Variants in ASPH observed in about 807,000 individuals in gnomAD.
ASPH encodes aspartyl/asparaginyl beta-hydroxylase.
In ASPH, 100 loss-of-function variants were observed where a neutral mutation model predicts 118.4. The ratio of observed to expected loss-of-function variants is 0.84; its 90% CI spans 0.72 to 1.00. The LOEUF (loss-of-function observed/expected upper bound fraction) is 1.00. Among genes scored for constraint, ASPH ranks in the 50% least tolerant of loss-of-function variants. The pLI, the probability that ASPH is intolerant of heterozygous loss-of-function variation, is 0.00. For missense variants in ASPH, 920 were observed against 919.5 expected, an observed-to-expected ratio of 1.00 and a Z score of -0.01; for synonymous variants, 315 against 325.6, an observed-to-expected ratio of 0.97 and a Z score of 0.35.
intron 14 of ASPH, among the ~76,000 whole-genome samples, chr8:61,596,562 CAG>C (rs1842564751): frequency 6.6e-6 from 1 of 152,238 alleles, no homozygotes; most frequent in South Asian, 2.1e-4. Context: ...TCCCAGTCCC[CAG>C]CAGAGCCTCA....
At chr8:61,648,829 A>G (rs548448854) in intron 5 of ASPH, among the ~76,000 whole-genome samples, 20 of 152,268 alleles carry the variant, frequency 1.3e-4, no homozygotes, top group African/African-American at 4.8e-4. Flanking sequence ...AATCAATGGC[A>G]GATACAGGAC....
intron 24 of ASPH, among the ~76,000 whole-genome samples, chr8:61,508,568 C>T (rs1466265451): frequency 1.3e-5 from 2 of 152,182 alleles, no homozygotes; most frequent in African/African-American, 4.8e-5. Flanking sequence ...CTTCTACCTA[C>T]AAATTTTATA....
chr8:61,700,713 C>A (rs965286847), intron 1 of ASPH, among the ~76,000 whole-genome samples: 6 of 152,152 alleles, frequency 3.9e-5, no homozygotes, highest in African/African-American at 1.4e-4. Flanking sequence ...TTGCAAAACA[C>A]AACAAAGCTG....
intron 1 of ASPH, 122 bp downstream of exon 1, chr8:61,714,147 T>G: frequency 1.6e-6 from 2 of 1,257,414 alleles, no homozygotes; most frequent in Non-Finnish European, 2.0e-6. Context: ...AGGAGGAGCG[T>G]CGCGGGGGAT....
intron 1 of ASPH, among the ~76,000 whole-genome samples, chr8:61,695,003 C>A (rs145169349): frequency 6.6e-6 from 1 of 152,310 alleles, no homozygotes; most frequent in African/African-American, 2.4e-5. Flanking sequence ...CTGGCTGTTG[C>A]AAACGGGTGA....
chr8:61,569,529 A>G (rs778823816), intron 16 of ASPH, among the ~76,000 whole-genome samples: 34 of 152,280 alleles, frequency 2.2e-4, no homozygotes, highest in Non-Finnish European at 3.7e-4. Flanking sequence ...CAAACAAACA[A>G]ACAAACCTAA....
intron 13 of ASPH, chr8:61,624,835 AAG>A (rs1852164962): frequency 1.0e-6 from 1 of 985,554 alleles, no homozygotes; most frequent in African/African-American, 1.7e-5. Context: ...TCACAAAATG[AAG>A]AGTTTTATTA....
chr8:61,672,306 C>G (rs1352716306), intron 3 of ASPH, among the ~76,000 whole-genome samples: 2 of 151,786 alleles, frequency 1.3e-5, no homozygotes, highest in African/African-American at 4.8e-5. Flanking sequence ...AACGGAGGAT[C>G]AGAACATAAG....
intron 15 of ASPH, 29 bp from the exon 16 acceptor site, chr8:61,576,887 A>ATTTATGT: frequency 6.6e-7 from 1 of 1,520,880 alleles, no homozygotes; most frequent in Non-Finnish European, 9.0e-7. Flanking sequence ...TACATAAATA[A>ATTTATGT]AATAAATTAA....
At chr8:61,565,184 T>G (rs557530883) in intron 17 of ASPH, among the ~76,000 whole-genome samples, 4 of 152,210 alleles carry the variant, frequency 2.6e-5, no homozygotes, top group African/African-American at 9.7e-5. Flanking sequence ...CTAAATCTGA[T>G]GATATATGAT....
rs566990331 is a variant in ASPH at position 61,547,736 on chromosome 8, A to AAT, written c.1764+333_1764+334dup. On this transcript the variant is annotated intron_variant, in intron 21 of 24. Transcript: ENST00000379454. ...GGTTATTATTTTTAAATAATTCATA[A>AAT]ATATATATATAATTTTCTTTCACTT... 3.3e-3 allele frequency among the ~76,000 whole-genome samples: 501 copies of AAT among 152,032 alleles called. 5 individuals are homozygous for AAT. The highest frequency in any genetic ancestry group is 0.011 in the African/African-American group (463 of 41,552).
intron 2 of ASPH, among the ~76,000 whole-genome samples, chr8:61,681,451 T>A (rs1457896608): frequency 6.6e-6 from 1 of 151,850 alleles, no homozygotes; most frequent in Non-Finnish European, 1.5e-5. Context: ...ACACTATCAA[T>A]ATCTGAACCA....
At chr8:61,682,249 A>G (rs770303974) in intron 2 of ASPH, among the ~76,000 whole-genome samples, 2 of 152,106 alleles carry the variant, frequency 1.3e-5, no homozygotes, top group Admixed American at 6.6e-5. Flanking sequence ...AGTACTAATC[A>G]AGGCTATGCA....
At chr8:61,559,135 T>G (rs1049312646) in intron 18 of ASPH, among the ~76,000 whole-genome samples, 4 of 152,250 alleles carry the variant, frequency 2.6e-5, no homozygotes, top group African/African-American at 9.6e-5. Context: ...AATTACATCA[T>G]GGAAGATGGG....
intron 5 of ASPH, among the ~76,000 whole-genome samples, chr8:61,648,888 C>G (rs1809459514): frequency 6.6e-6 from 1 of 152,124 alleles, no homozygotes; most frequent in Non-Finnish European, 1.5e-5. Context: ...AGGTTATGCT[C>G]AGTCTGAAAG....
intron 23 of ASPH, 30 bp from the exon 24 acceptor site, chr8:61,517,691 C>T (rs369992316): frequency 1.9e-6 from 3 of 1,602,824 alleles, no homozygotes; most frequent in African/African-American, 2.7e-5. Context: ...CTCCATTCAG[C>T]CATTTATCAA....
intron 2 of ASPH, among the ~76,000 whole-genome samples, chr8:61,681,982 A>T (rs1016766814): frequency 2.0e-5 from 3 of 151,980 alleles, no homozygotes; most frequent in Admixed American, 2.0e-4. Context: ...CAAATACAGC[A>T]TTAGTACTAA....
At chr8:61,586,322 G>A (rs746855563) in intron 14 of ASPH, among the ~76,000 whole-genome samples, 2 of 152,090 alleles carry the variant, frequency 1.3e-5, no homozygotes, top group African/African-American at 2.4e-5. Flanking sequence ...CCTGCATCAC[G>A]AAAATTATAA....
intron 21 of ASPH, among the ~76,000 whole-genome samples, chr8:61,540,126 C>T (rs993065748): frequency 2.6e-5 from 4 of 152,046 alleles, no homozygotes; most frequent in Non-Finnish European, 5.9e-5. Context: ...TAATGTTTTC[C>T]TTGAGTTGAA....
Sources: allele counts gnomAD v4.1 joint callset (sites outside exome capture counted in the v4.1 genomes callset), GRCh38; gene constraint gnomAD v4.1.1; transcripts MANE v1.5; gene names NCBI Gene and HGNC (gene_info 2026-07-23, HGNC 2026-07-21).